ADH6: variants seen among roughly 807,000 people sequenced by gnomAD.
ADH6 encodes alcohol dehydrogenase 6.
ADH6 carries 34 observed loss-of-function variants against 36.5 expected under a neutral mutation model. That is an observed-to-expected ratio of 0.93 (90% CI 0.71 to 1.24). The LOEUF is 1.24. Ranked by LOEUF, ADH6 falls within the 50% of genes most tolerant of loss-of-function variation. ADH6 has a pLI of 0.00. For synonymous variants in ADH6, 161 were observed against 155.5 expected, an observed-to-expected ratio of 1.04 and a Z score of -0.26; for missense variants, 440 against 447.0, an observed-to-expected ratio of 0.98 and a Z score of 0.14.
intron 8 of ADH6, 128 bp downstream of exon 8, chr4:99,204,797 C>T (rs1730960000): frequency 7.4e-7 from 1 of 1,347,110 alleles, no homozygotes; most frequent in African/African-American, 1.5e-5. Context: ...TTACAAATTC[C>T]TGAAAGCCTC....
At position 99,204,120 on chromosome 4, in the gene ADH6, A is replaced by G. The variant is rs1236729185; in HGVS notation, c.*99T>C. On this transcript the variant is annotated 3_prime_UTR_variant, in exon 9 of 9. Coordinates refer to ENST00000394899, the MANE Select transcript of ADH6 (RefSeq NM_001102470.2). ...GTGAATCAGAAGTCAGAATATAGAA[A>G]TGGGATTGGGTGAATAATTCTTCTA... 2 of 1,404,544 alleles carry G rather than the reference A, an allele frequency of 1.4e-6. No homozygotes were observed. Among genetic ancestry groups the G allele is most frequent in the Non-Finnish European group, 1.9e-6 (2 of 1,026,752 alleles). The allele number at this position is 1,404,544 out of a possible 1,614,324, so 87.0% of individuals were successfully genotyped here. A position where few individuals can be genotyped will look rare whatever the true frequency, so the allele number is the denominator to read the frequency against.
chr4:99,218,335 A>G lies in ADH6; in HGVS notation c.18+800T>C, dbSNP rs201266766. 7.2e-5 allele frequency among the ~76,000 whole-genome samples: 11 copies of G among 152,076 alleles called. No homozygotes were observed. In the East Asian group the frequency reaches 1.3e-3, roughly 19 times the overall value. ...GTAGCCTCAATTTTTCTGTCCCTCA[A>G]TCTTCACAGTCTAAATTTTTCTAGG... On this transcript the variant is annotated intron_variant, in intron 1 of 8. Transcript: ENST00000394899.
At position 99,203,879 on chromosome 4, in the gene ADH6, T is replaced by C. The variant is rs998691111; in HGVS notation, c.*340A>G. The C allele has an allele frequency of 8.3e-5, 19 of 228,402 alleles. No individual in the cohort carries two copies. The highest frequency in any genetic ancestry group is 3.2e-4 in the African/African-American group (14 of 44,062). The allele number at this position is 228,402 out of a possible 1,614,324, so 14.1% of individuals were successfully genotyped here. A position where few individuals can be genotyped will look rare whatever the true frequency, so the allele number is the denominator to read the frequency against. ...TGTCTAGGCCTGTGAGAGAGACATATAGTGTACAAGAATATAAAGGTCCAC... is the reference window on the plus strand; with the variant it reads ...TGTCTAGGCCTGTGAGAGAGACATACAGTGTACAAGAATATAAAGGTCCAC... On this transcript the variant is annotated 3_prime_UTR_variant, in exon 9 of 9. Coordinates refer to ENST00000394899, the MANE Select transcript of ADH6 (RefSeq NM_001102470.2).
rs1024752168 is a variant in ADH6, at chr4:99,203,201, G to C, written c.*1018C>G. ...CCAGAGCTAGGGGAGTCCAGCTGGA[G>C]CAGAAGAGTCTGCAACTAGGAAGGG... On this transcript the variant is annotated 3_prime_UTR_variant, in exon 9 of 9. Transcript: ENST00000394899. The C allele has an allele frequency of 6.2e-6, 1 of 160,284 alleles. No individual in the cohort carries two copies. Among genetic ancestry groups the C allele is most frequent in the African/African-American group, 2.4e-5 (1 of 41,774 alleles). The allele number at this position is 160,284 out of a possible 1,614,324, so 9.9% of individuals were successfully genotyped here. A position where few individuals can be genotyped will look rare whatever the true frequency, so the allele number is the denominator to read the frequency against.
At chr4:99,217,662 A>G (rs1022935298) in intron 1 of ADH6, among the ~76,000 whole-genome samples, 1 of 152,164 alleles carries the variant, frequency 6.6e-6, no homozygotes, top group Non-Finnish European at 1.5e-5. Context: ...GCTATTGTTA[A>G]TAGTGCTGCA....
At position 99,218,534 on chromosome 4, in the gene ADH6, G is replaced by A. The variant is rs1224290195; in HGVS notation, c.18+601C>T. 7.9e-5 allele frequency among the ~76,000 whole-genome samples: 12 copies of A among 152,070 alleles called. 1 individual carries two copies. Among genetic ancestry groups the A allele is most frequent in the Admixed American group, 7.2e-4 (11 of 15,270 alleles). On this transcript the variant is annotated intron_variant, in intron 1 of 8. Transcript: ENST00000394899. ...TGTTACCATTTGCTTACCTGGATCC[G>A]CTGACATCAGGATTTTCTCTCTGTC...
chr4:99,209,053 C>T (rs966338002), intron 5 of ADH6, 125 bp from the exon 6 acceptor site: 30 of 971,122 alleles, frequency 3.1e-5, no homozygotes, highest in Admixed American at 1.9e-4. Flanking sequence ...ATGATGTTTA[C>T]ATACATAACA....
At chr4:99,217,105 G>C (rs1196791886) in intron 1 of ADH6, among the ~76,000 whole-genome samples, 1 of 151,976 alleles carries the variant, frequency 6.6e-6, no homozygotes, top group African/African-American at 2.4e-5. Flanking sequence ...GCACGATCTC[G>C]GCTCACTGCA....
intron 2 of ADH6, 45 bp downstream of exon 2, chr4:99,216,116 G>T (rs1323829597): frequency 3.3e-6 from 4 of 1,196,786 alleles, no homozygotes; most frequent in Non-Finnish European, 4.6e-6. Context: ...AGAAGCTCTG[G>T]CTTTTGGCTT....
At chr4:99,213,000 AGT>A (rs3049463) in intron 3 of ADH6, among the ~76,000 whole-genome samples, 64,880 of 151,412 alleles carry the variant, frequency 0.43, 15,194 homozygotes, top group East Asian at 0.88. Context: ...AAGATAATAC[AGT>A]GTTCTCCCAT....
intron 2 of ADH6, 144 bp downstream of exon 2, chr4:99,216,017 G>C: frequency 2.2e-6 from 1 of 459,246 alleles, no homozygotes; most frequent in South Asian, 5.3e-5. Flanking sequence ...TGATGGAAAT[G>C]TTTAATGAAA....
At chr4:99,205,098 G>T in intron 7 of ADH6, 35 bp from the exon 8 acceptor site, 1 of 1,531,722 alleles carries the variant, frequency 6.5e-7, no homozygotes, top group Non-Finnish European at 8.8e-7. Flanking sequence ...TTTTACACAT[G>T]AGGCTTCATT....
At chr4:99,210,850 G>C (rs1731202230) in intron 3 of ADH6, among the ~76,000 whole-genome samples, 1 of 152,002 alleles carries the variant, frequency 6.6e-6, no homozygotes, top group Non-Finnish European at 1.5e-5. Context: ...TCCTCTCTCA[G>C]GGATTGAATT....
chr4:99,216,664 G>T (rs911916046), intron 1 of ADH6, among the ~76,000 whole-genome samples: 1 of 152,022 alleles, frequency 6.6e-6, no homozygotes, highest in African/African-American at 2.4e-5. Flanking sequence ...GACCAACATG[G>T]TGAAACCCTA....
Position 99,219,138 on chromosome 4 carries a change from G to A in ADH6, c.15C>T (p.Gly5=). The A allele has an allele frequency of 5.0e-6, 8 of 1,611,608 alleles. No individual in the cohort carries two copies. Among genetic ancestry groups the A allele is most frequent in the Admixed American group, 1.7e-5 (1 of 60,004 alleles). The part of the protein sequence containing the change: MSTT[G]QVIRCKAAIL... ...TAAAGAATAAGACTGCACCTACTTG[G>A]CCTGTAGTACTCATGCTGATTTTCT... The change falls in exon 1 of 9, where the codon GGC becomes GGT. Residue 5 remains glycine (G), a synonymous_variant. Transcript: ENST00000394899.
intron 7 of ADH6, among the ~76,000 whole-genome samples, chr4:99,206,934 T>G (rs1731057536): frequency 6.6e-6 from 1 of 152,126 alleles, no homozygotes; most frequent in Admixed American, 6.6e-5. Context: ...CTATAAGATA[T>G]TTTTCCTCTG....
chr4:99,213,482 TA>T, intron 3 of ADH6, 123 bp downstream of exon 3: 1 of 876,198 alleles, frequency 1.1e-6, no homozygotes, highest in Non-Finnish European at 1.7e-6. Context: ...CCTACTTTTC[TA>T]AGAAGTTGGA....
Position 99,208,890 on chromosome 4 carries a change from T to G in ADH6, c.606A>C (p.Gly202=). The G allele has an allele frequency of 6.2e-7, 1 of 1,613,630 alleles. No homozygotes were observed. The highest frequency in any genetic ancestry group is 2.2e-5 in the East Asian group (1 of 44,862). ...CCATGACAACAGACAAGCCGACTCC[T>G]CCCAGGCCAAACACAGCACAGGTAG... ...PGSTCAVFGL[G]GVGLSVVMGC... The change falls in exon 6 of 9, where the codon GGA becomes GGC. Residue 202 remains glycine, a synonymous_variant. Coordinates refer to ENST00000394899, the MANE Select transcript of ADH6 (RefSeq NM_001102470.2).
intron 6 of ADH6, among the ~76,000 whole-genome samples, chr4:99,208,222 G>T (rs1383974057): frequency 6.6e-6 from 1 of 152,080 alleles, no homozygotes; most frequent in Non-Finnish European, 1.5e-5. Flanking sequence ...ACAAGCCTTA[G>T]ATTTTTAAGT....
Sources: allele counts gnomAD v4.1 joint callset (sites outside exome capture counted in the v4.1 genomes callset), GRCh38; gene constraint gnomAD v4.1.1; transcripts MANE v1.5; gene names NCBI Gene and HGNC (gene_info 2026-07-23, HGNC 2026-07-21).